Variants in TECPR2 observed in about 807,000 individuals in gnomAD.
TECPR2 encodes tectonin beta-propeller repeat containing 2.
In TECPR2, 65 loss-of-function variants were observed where a neutral mutation model predicts 138.1. The observed-to-expected ratio is 0.47, with a 90% confidence interval of 0.39 to 0.58. The LOEUF (loss-of-function observed/expected upper bound fraction) is 0.58. TECPR2 is among the 20% of genes least tolerant of loss of function. The pLI, the probability that TECPR2 is intolerant of heterozygous loss-of-function variation, is 0.00. For missense variants in TECPR2, 1,553 were observed against 1,824.5 expected, an observed-to-expected ratio of 0.85 and a Z score of 2.71; for synonymous variants, 746 against 749.8, an observed-to-expected ratio of 0.99 and a Z score of 0.08.
chr14:102,498,156 C>G lies in TECPR2; in HGVS notation c.4135C>G (p.Arg1379Gly). Reference protein sequence around the residue: ...AVGPPGYLLQRLTKTFSHSHG... With the variant: ...AVGPPGYLLQGLTKTFSHSHG... ...GGGCCCGCCCGGCTACCTCCTCCAA[C>G]GGCTGACAAAGACGTTCAGCCACTC... The change falls in exon 20 of 20, where the codon CGG becomes GGG. Residue 1379 changes from arginine to glycine, a missense_variant. Arg to Gly is a moderately radical substitution (Grantham distance 125). Transcript: ENST00000359520. 6.2e-7 allele frequency: 1 copy of G among 1,613,102 alleles called. No individual in the cohort carries two copies. The highest frequency in any genetic ancestry group is 8.5e-7 in the Non-Finnish European group (1 of 1,179,960).
chr14:102,406,552 A>T (rs1294515373), intron 2 of TECPR2, among the ~76,000 whole-genome samples: 1 of 149,400 alleles, frequency 6.7e-6, no homozygotes, highest in Non-Finnish European at 1.5e-5. Context: ...CTCAAAAAAA[A>T]ATTAAAATTG....
chr14:102,462,536 G>A (rs1244958471), intron 16 of TECPR2, among the ~76,000 whole-genome samples: 1 of 152,188 alleles, frequency 6.6e-6, no homozygotes, highest in Non-Finnish European at 1.5e-5. Flanking sequence ...ATTTTCACAT[G>A]GCAGAGTCAT....
At chr14:102,409,363 A>G (rs1467103524) in intron 4 of TECPR2, among the ~76,000 whole-genome samples, 1 of 151,012 alleles carries the variant, frequency 6.6e-6, no homozygotes. Flanking sequence ...GCAGTGGCCC[A>G]ATCTCGGCTT....
chr14:102,483,464 C>CAG (rs10670060), intron 17 of TECPR2, among the ~76,000 whole-genome samples: 106,973 of 151,478 alleles, frequency 0.71, 38,481 homozygotes, highest in African/African-American at 0.85. Context: ...GTTTTTGAGA[C>CAG]GGTCTCTCAC....
At chr14:102,428,103 G>C (rs1360801636) in intron 6 of TECPR2, 147 bp from the exon 7 acceptor site, 4 of 1,164,306 alleles carry the variant, frequency 3.4e-6, no homozygotes, top group Non-Finnish European at 4.7e-6. Flanking sequence ...ACTTTGGATT[G>C]AATTGGAATT....
rs1473841790 is a variant in TECPR2, at chr14:102,501,346, C to G, written c.*3089C>G. 7 of 152,180 alleles carry G rather than the reference C, an allele frequency of 4.6e-5. No individual in the cohort carries two copies. The highest frequency in any genetic ancestry group is 8.8e-5 in the Non-Finnish European group (6 of 68,040). The allele number at this position is 152,180 out of a possible 1,614,324, so 9.4% of individuals were successfully genotyped here. On this transcript the variant is annotated 3_prime_UTR_variant, in exon 20 of 20. Coordinates refer to ENST00000359520, the MANE Select transcript of TECPR2 (RefSeq NM_014844.5). ...AACTCAAAAGTGATAGGACAAGCTA[C>G]AGAGGAAAATAAGTACATAGATTTG... is the stretch of plus-strand genomic sequence containing the variant.
At chr14:102,400,594 A>G (rs1321445152) in intron 2 of TECPR2, among the ~76,000 whole-genome samples, 1 of 152,220 alleles carries the variant, frequency 6.6e-6, no homozygotes, top group Non-Finnish European at 1.5e-5. Context: ...TCCTCATGGT[A>G]ATGACAGAGA....
intron 2 of TECPR2, among the ~76,000 whole-genome samples, chr14:102,399,205 T>G (rs1476953388): frequency 2.0e-5 from 3 of 152,144 alleles, no homozygotes; most frequent in Non-Finnish European, 4.4e-5. Context: ...GAGGTTGCAG[T>G]GAGCTGAGAT....
intron 1 of TECPR2, among the ~76,000 whole-genome samples, chr14:102,372,014 T>A (rs927557034): frequency 2.6e-5 from 4 of 152,174 alleles, no homozygotes; most frequent in Non-Finnish European, 4.4e-5. Context: ...TGAGATAGGG[T>A]CTCACTCTGT....
intron 6 of TECPR2, among the ~76,000 whole-genome samples, chr14:102,427,668 C>A (rs1889359557): frequency 6.6e-6 from 1 of 152,148 alleles, no homozygotes; most frequent in Admixed American, 6.5e-5. Context: ...TCATTCAAAA[C>A]CCATGAGTTG....
At chr14:102,399,910 A>G (rs1159785800) in intron 2 of TECPR2, among the ~76,000 whole-genome samples, 2 of 152,072 alleles carry the variant, frequency 1.3e-5, no homozygotes, top group African/African-American at 4.8e-5. Context: ...TTTAAAAGCT[A>G]ATATTACTGT....
At position 102,452,482 on chromosome 14, in the gene TECPR2, G is replaced by A. The variant is rs2139755257; in HGVS notation, c.3495G>A (p.Leu1165=). ...AGTCGCGGCCCTCCACGGTGCAGCT[G>A]CCTCCCGAAGCCGAGATGCGCGCCT... ...SAQSRPSTVQ[L]PPEAEMRAYA... Residue 1165 remains leucine (L), a synonymous_variant, in exon 16 of 20, where the codon CTG becomes CTA. Coordinates refer to ENST00000359520, the MANE Select transcript of TECPR2 (RefSeq NM_014844.5). 6.2e-7 allele frequency: 1 copy of A among 1,613,400 alleles called. No homozygotes were observed. Among genetic ancestry groups the A allele is most frequent in the Non-Finnish European group, 8.5e-7 (1 of 1,179,938 alleles).
intron 13 of TECPR2, among the ~76,000 whole-genome samples, chr14:102,449,413 A>G (rs1216566559): frequency 6.6e-6 from 1 of 152,272 alleles, no homozygotes; most frequent in African/African-American, 2.4e-5. Context: ...ATCCAACCCT[A>G]CGAAGGAGCT....
intron 2 of TECPR2, among the ~76,000 whole-genome samples, chr14:102,385,259 C>A (rs1023101640): frequency 1.3e-5 from 2 of 152,062 alleles, no homozygotes; most frequent in African/African-American, 2.4e-5. Flanking sequence ...CTAATCCAGT[C>A]CTTGGAGAGT....
intron 17 of TECPR2, among the ~76,000 whole-genome samples, chr14:102,469,139 A>G (rs1890611243): frequency 6.6e-6 from 1 of 152,276 alleles, no homozygotes; most frequent in Admixed American, 6.5e-5. Context: ...AAAAAAAAAT[A>G]CTAACTGGAA....
Position 102,499,047 on chromosome 14 carries a change from A to ACCACG in TECPR2, c.*794_*795insGCCAC, listed in dbSNP as rs537581650. On this transcript the variant is annotated 3_prime_UTR_variant, in exon 20 of 20. Coordinates refer to ENST00000359520, the MANE Select transcript of TECPR2 (RefSeq NM_014844.5). Reference sequence around the variant, plus strand: ...GCCACATCTCACCACACCACACCACACCACACCTCACTGCCCACACACGGC... The same window carrying ACCACG: ...GCCACATCTCACCACACCACACCACACCACGCCACACCTCACTGCCCACACACGGC... 3.9e-4 allele frequency: 272 copies of ACCACG among 701,658 alleles called. No homozygotes were observed. In the African/African-American group the frequency reaches 4.4e-3, roughly 11 times the overall value. The allele number at this position is 701,658 out of a possible 1,614,324, so 43.5% of individuals were successfully genotyped here.
intron 17 of TECPR2, among the ~76,000 whole-genome samples, chr14:102,472,036 G>C (rs1890663161): frequency 6.6e-6 from 1 of 152,252 alleles, no homozygotes; most frequent in South Asian, 2.1e-4. Context: ...GCTGCTGAGT[G>C]CAAGAGCGAG....
At chr14:102,417,628 G>A (rs1008359923) in intron 5 of TECPR2, among the ~76,000 whole-genome samples, 7 of 152,224 alleles carry the variant, frequency 4.6e-5, no homozygotes, top group African/African-American at 1.7e-4. Flanking sequence ...AACAGCATAT[G>A]CCAAGACCTC....
intron 2 of TECPR2, among the ~76,000 whole-genome samples, chr14:102,377,230 A>G (rs1347961044): frequency 1.3e-5 from 2 of 152,196 alleles, no homozygotes; most frequent in Non-Finnish European, 2.9e-5. Context: ...ATCATAGCTC[A>G]TTGTAGCCTC....
Sources: gnomAD v4.1 joint callset for allele counts (sites outside exome capture counted in the v4.1 genomes callset) on GRCh38, gnomAD v4.1.1 for gene constraint, MANE v1.5 for transcripts, NCBI Gene and HGNC (gene_info 2026-07-23, HGNC 2026-07-21) for gene names.